BANK1: variants seen among roughly 807,000 people sequenced by gnomAD.
BANK1 encodes B cell scaffold protein with ankyrin repeats 1.
In BANK1, 95 loss-of-function variants were observed where a neutral mutation model predicts 94.5. The observed-to-expected ratio is 1.00, with a 90% confidence interval of 0.85 to 1.19. The LOEUF is 1.19. BANK1 is among the 50% of genes most tolerant of loss of function. The pLI, the probability that BANK1 is intolerant of heterozygous loss-of-function variation, is 0.00. For synonymous variants in BANK1, 334 were observed against 308.4 expected (o/e 1.08, Z -0.87); for missense variants, 987 against 932.2 (o/e 1.06, Z -0.77).
intron 5 of BANK1, among the ~76,000 whole-genome samples, chr4:101,878,017 G>A (rs1578373450): frequency 2.6e-5 from 4 of 151,868 alleles, no homozygotes; most frequent in Admixed American, 2.6e-4. Context: ...TCACTAAAAG[G>A]AAGAGAGACA....
At chr4:102,012,657 G>T (rs1163488285) in intron 7 of BANK1, among the ~76,000 whole-genome samples, 3 of 152,090 alleles carry the variant, frequency 2.0e-5, no homozygotes, top group African/African-American at 7.2e-5. Flanking sequence ...TTTGCTTCTA[G>T]CTTGGATTTC....
intron 1 of BANK1, among the ~76,000 whole-genome samples, chr4:101,823,971 G>A (rs1726269697): frequency 6.6e-6 from 1 of 152,226 alleles, no homozygotes; most frequent in Non-Finnish European, 1.5e-5. Context: ...TGAAGCTCTA[G>A]TGAGGAAATG....
intron 7 of BANK1, among the ~76,000 whole-genome samples, chr4:102,015,758 T>A (rs531079640): frequency 6.6e-6 from 1 of 152,274 alleles, no homozygotes; most frequent in Non-Finnish European, 1.5e-5. Context: ...TGGTTATTTC[T>A]TATATTTGCA....
chr4:101,924,158 T>C (rs900278869), intron 7 of BANK1, among the ~76,000 whole-genome samples: 41 of 151,846 alleles, frequency 2.7e-4, no homozygotes, highest in Non-Finnish European at 5.5e-4. Flanking sequence ...AGATGTAATA[T>C]ATTATTTAGA....
intron 7 of BANK1, among the ~76,000 whole-genome samples, chr4:101,987,095 C>T (rs972201627): frequency 8.0e-5 from 12 of 150,930 alleles, no homozygotes; most frequent in African/African-American, 2.9e-4. Flanking sequence ...TGGAGCTGGG[C>T]TTCCTGATGT....
intron 11 of BANK1, among the ~76,000 whole-genome samples, chr4:102,047,999 T>C (rs1411520177): frequency 6.6e-6 from 1 of 152,212 alleles, no homozygotes; most frequent in African/African-American, 2.4e-5. Context: ...CCATATCTTG[T>C]TACCTAATTT....
chr4:102,035,160 T>G (rs1727458758), intron 10 of BANK1, among the ~76,000 whole-genome samples: 1 of 152,140 alleles, frequency 6.6e-6, no homozygotes, highest in African/African-American at 2.4e-5. Flanking sequence ...CCTAAATTTA[T>G]CCTGCTTTAA....
intron 7 of BANK1, among the ~76,000 whole-genome samples, chr4:101,934,277 T>A (rs568186144): frequency 6.6e-6 from 1 of 151,466 alleles, no homozygotes; most frequent in Admixed American, 6.6e-5. Context: ...GTCCTACAAC[T>A]TACTTGTTTG....
intron 1 of BANK1, among the ~76,000 whole-genome samples, chr4:101,809,472 C>A (rs1215418276): frequency 4.0e-5 from 6 of 151,786 alleles, no homozygotes; most frequent in South Asian, 4.2e-4. Context: ...CTGTTCCCCC[C>A]AAAACTACTG....
At chr4:102,034,678 G>A (rs1727440480) in intron 10 of BANK1, among the ~76,000 whole-genome samples, 1 of 152,128 alleles carries the variant, frequency 6.6e-6, no homozygotes, top group Non-Finnish European at 1.5e-5. Flanking sequence ...TTATCATTAG[G>A]CAGCTTTCAT....
chr4:101,869,129 T>C (rs1161020195), intron 4 of BANK1, among the ~76,000 whole-genome samples: 1 of 151,876 alleles, frequency 6.6e-6, no homozygotes, highest in Non-Finnish European at 1.5e-5. Context: ...CCTGATTCAT[T>C]ACCGATTTTC....
intron 6 of BANK1, among the ~76,000 whole-genome samples, chr4:101,898,759 A>G (rs1722177281): frequency 6.6e-6 from 1 of 152,076 alleles, no homozygotes; most frequent in South Asian, 2.1e-4. Context: ...TTCATTTATA[A>G]TAAGTAAAAT....
Position 101,895,427 on chromosome 4 carries a change from T to G in BANK1, c.1009+17T>G, listed in dbSNP as rs752663695. On this transcript the variant is annotated intron_variant, in intron 6 of 16. Coordinates refer to ENST00000322953, the MANE Select transcript of BANK1 (RefSeq NM_017935.5). ...AAAACAAATGTGAGTATTTTCCAGC[T>G]GCATCAATTATTCTTTTTATCACAT... is the stretch of plus-strand genomic sequence containing the variant. 2 of 1,403,612 alleles carry G rather than the reference T, an allele frequency of 1.4e-6. No individual in the cohort carries two copies. Among genetic ancestry groups the G allele is most frequent in the Admixed American group, 1.8e-5 (1 of 56,030 alleles). 86.9% of individuals were successfully genotyped at this position (1,403,612 alleles called of 1,614,324 possible).
intron 14 of BANK1, among the ~76,000 whole-genome samples, chr4:102,071,505 C>T (rs959273732): frequency 2.1e-4 from 32 of 152,126 alleles, no homozygotes; most frequent in African/African-American, 7.5e-4. Flanking sequence ...GGCACCATAA[C>T]GTAATAAAAG....
In BANK1 at chr4:101,829,915, T is replaced by A. The variant is rs146402279; in HGVS notation, c.178T>A (p.Tyr60Asn). 4.3e-6 allele frequency: 7 copies of A among 1,613,862 alleles called. No homozygotes were observed. The South Asian group carries it at 7.7e-5, about 18-fold the overall frequency. ...TGTGAAAAGGGAAGCCATCCTGTTA[T>A]ATCGCTTGGAGAATTTCTCTTTTCG... is the stretch of plus-strand genomic sequence containing the variant. The part of the protein sequence containing the change: ...HVVKREAILL[Y>N]RLENFSFRHL... The change falls in exon 2 of 17, where the codon TAT (tyrosine) becomes AAT (asparagine). Residue 60 changes from tyrosine to asparagine, a missense_variant. By Grantham distance (143) the Tyr-to-Asn change is moderately radical (BLOSUM62 -2). Coordinates refer to ENST00000322953, the MANE Select transcript of BANK1 (RefSeq NM_017935.5).
At chr4:101,998,958 G>A (rs1025373474) in intron 7 of BANK1, among the ~76,000 whole-genome samples, 5 of 152,120 alleles carry the variant, frequency 3.3e-5, no homozygotes, top group South Asian at 2.1e-4. Context: ...TTAACAGCCT[G>A]ATAAAGGGTG....
At chr4:102,031,281 T>A (rs992661141) in intron 10 of BANK1, among the ~76,000 whole-genome samples, 3 of 152,114 alleles carry the variant, frequency 2.0e-5, no homozygotes, top group African/African-American at 7.2e-5. Flanking sequence ...ACTTTTTTGA[T>A]GGGGGGTTGT....
chr4:101,959,162 A>G (rs914622445), intron 7 of BANK1, among the ~76,000 whole-genome samples: 2 of 151,058 alleles, frequency 1.3e-5, no homozygotes, highest in East Asian at 3.9e-4. Context: ...TTTGAGACAG[A>G]GTCTCACTCT....
chr4:101,827,966 T>C (rs1726429247), intron 1 of BANK1, among the ~76,000 whole-genome samples: 1 of 151,968 alleles, frequency 6.6e-6, no homozygotes, highest in Non-Finnish European at 1.5e-5. Context: ...TATACTTTTG[T>C]TAGTCTGACT....
Sources: gnomAD v4.1 joint callset for allele counts (sites outside exome capture counted in the v4.1 genomes callset) on GRCh38, gnomAD v4.1.1 for gene constraint, MANE v1.5 for transcripts, NCBI Gene and HGNC (gene_info 2026-07-23, HGNC 2026-07-21) for gene names.